The following LOC128125822 variants were observed in gnomAD, a reference collection of about 807,000 sequenced individuals.
the LOC128125822 span, chr6:63,578,400 T>C: frequency 6.3e-7 from 1 of 1,589,020 alleles, no homozygotes; most frequent in Admixed American, 1.9e-5. Flanking sequence ...GTGATGTGGT[T>C]AAACATTAAG....
the LOC128125822 span, chr6:63,578,463 A>G: frequency 3.7e-6 from 6 of 1,609,496 alleles, no homozygotes; most frequent in Non-Finnish European, 5.1e-6. Flanking sequence ...GAGTTACCAC[A>G]ATAGTAAGAG....
the LOC128125822 span, chr6:63,580,381 C>G: frequency 2.0e-6 from 1 of 498,172 alleles, no homozygotes; most frequent in Non-Finnish European, 3.6e-6. Context: ...GCAAAAGATT[C>G]TTGCTGTCAG....
the LOC128125822 span, chr6:63,580,158 A>G: frequency 1.9e-6 from 3 of 1,611,290 alleles, no homozygotes; most frequent in Admixed American, 1.7e-5. Flanking sequence ...CATAGAAACA[A>G]CTGTTGCATT....
At chr6:63,579,188 G>T in the LOC128125822 span, 1 of 1,499,548 alleles carries the variant, frequency 6.7e-7, no homozygotes, top group Non-Finnish European at 9.1e-7. Flanking sequence ...GTTGGGGAAT[G>T]TTTGGAGAAA....
At chr6:63,578,079 C>T in the LOC128125822 span, among the ~76,000 whole-genome samples, 2 of 152,026 alleles carry the variant, frequency 1.3e-5, no homozygotes, top group Middle Eastern at 6.8e-3. Context: ...TTACATTTAC[C>T]TTTGTCTGCA....
the LOC128125822 span, chr6:63,572,674 C>T: frequency 1.2e-5 from 5 of 409,604 alleles, no homozygotes; most frequent in South Asian, 5.5e-4. Context: ...GCCTCGGGAC[C>T]GGCTGTATGA....
the LOC128125822 span, chr6:63,573,327 G>C: frequency 6.6e-6 from 1 of 152,376 alleles, no homozygotes; most frequent in East Asian, 1.9e-4. Context: ...AGCCAGGCAC[G>C]GGTGGTAACG....
chr6:63,579,693 C>T, the LOC128125822 span, among the ~76,000 whole-genome samples: 15 of 152,178 alleles, frequency 9.9e-5, no homozygotes, highest in African/African-American at 3.6e-4. Flanking sequence ...CAATACAACA[C>T]ATAGAATATT....
At chr6:63,580,390 A>G in the LOC128125822 span, 2 of 485,596 alleles carry the variant, frequency 4.1e-6, no homozygotes, top group East Asian at 3.2e-5. Flanking sequence ...TCTTGCTGTC[A>G]GCATATAAAA....
the LOC128125822 span, chr6:63,582,297 G>A: frequency 2.0e-5 from 3 of 152,420 alleles, no homozygotes; most frequent in African/African-American, 4.8e-5. Context: ...CAGCATTTGC[G>A]TTTATTGAGA....
chr6:63,578,412 T>G, the LOC128125822 span: 9 of 1,595,198 alleles, frequency 5.6e-6, no homozygotes, highest in Non-Finnish European at 6.8e-6. Flanking sequence ...AACATTAAGA[T>G]TTTTTTAATG....
chr6:63,579,517 A>G, the LOC128125822 span, among the ~76,000 whole-genome samples: 1 of 152,228 alleles, frequency 6.6e-6, no homozygotes, highest in East Asian at 1.9e-4. Flanking sequence ...CTAAGATTCT[A>G]ATCCAACAAG....
chr6:63,579,305 C>T, the LOC128125822 span: 26 of 1,609,630 alleles, frequency 1.6e-5, no homozygotes, highest in South Asian at 6.6e-5. Context: ...GAATGAAATA[C>T]GAAGATGCAG....
the LOC128125822 span, chr6:63,577,119 A>T: frequency 1.5e-6 from 1 of 678,908 alleles, no homozygotes; most frequent in Non-Finnish European, 2.5e-6. Context: ...AATAAATGTC[A>T]ATGTCTTCTA....
the LOC128125822 span, chr6:63,572,614 C>T: frequency 2.4e-6 from 1 of 420,986 alleles, no homozygotes; most frequent in East Asian, 3.5e-5. Flanking sequence ...TCCGCCACGA[C>T]CACCGCCGCC....
the LOC128125822 span, chr6:63,579,193 G>A: frequency 6.0e-6 from 9 of 1,509,468 alleles, no homozygotes; most frequent in East Asian, 2.1e-4. Context: ...GGAATGTTTG[G>A]AGAAATAAAT....
chr6:63,578,514 A>C, the LOC128125822 span: 1 of 1,611,842 alleles, frequency 6.2e-7, no homozygotes, highest in South Asian at 1.1e-5. Flanking sequence ...TGGAGAAAGA[A>C]GGTATCCATG....
At chr6:63,578,388 T>C in the LOC128125822 span, 878 of 1,565,316 alleles carry the variant, frequency 5.6e-4, 4 homozygotes, top group African/African-American at 0.011. Flanking sequence ...TGTTGAGTTA[T>C]AGTGATGTGG....
At chr6:63,581,835 ATTAAT>A in the LOC128125822 span, 2 of 152,298 alleles carry the variant, frequency 1.3e-5, no homozygotes, top group Non-Finnish European at 2.9e-5. Context: ...AGATTTTGAA[ATTAAT>A]TTAAATATTA....
Sources: allele counts gnomAD v4.1 joint callset (sites outside exome capture counted in the v4.1 genomes callset), GRCh38; gene constraint gnomAD v4.1.1; transcripts MANE v1.5.